Variants in PDZRN4 observed in about 807,000 individuals in gnomAD.
The protein encoded by PDZRN4 is PDZ domain-containing RING finger protein 4.
A neutral mutation model predicts 99.0 loss-of-function variants in PDZRN4; 70 were observed. The observed-to-expected ratio is 0.71, with a 90% CI of 0.58 to 0.86. The LOEUF is 0.86. PDZRN4 is among the 40% of genes least tolerant of loss of function. PDZRN4 has a pLI of 0.00. For missense variants in PDZRN4, 1,474 were observed against 1,331.2 expected (o/e 1.11, Z -1.67); for synonymous variants, 551 against 501.6 (o/e 1.10, Z -1.32).
At chr12:41,329,126 G>A (rs995021591) in intron 3 of PDZRN4, among the ~76,000 whole-genome samples, 2 of 152,074 alleles carry the variant, frequency 1.3e-5, no homozygotes, top group Non-Finnish European at 2.9e-5. Flanking sequence ...GAATCGTATT[G>A]CATCTTCTTG....
intron 3 of PDZRN4, among the ~76,000 whole-genome samples, chr12:41,450,075 A>G (rs544019277): frequency 6.4e-4 from 98 of 152,166 alleles, no homozygotes; most frequent in Non-Finnish European, 1.2e-3. Context: ...AATTAAAATC[A>G]TATAAAACAA....
At chr12:41,405,912 A>G (rs889616169) in intron 3 of PDZRN4, among the ~76,000 whole-genome samples, 4 of 152,068 alleles carry the variant, frequency 2.6e-5, no homozygotes, top group Admixed American at 6.5e-5. Context: ...ACATGTGAAC[A>G]TAAATGTTGG....
chr12:41,212,689 T>C (rs989747830), intron 3 of PDZRN4, among the ~76,000 whole-genome samples: 1 of 152,020 alleles, frequency 6.6e-6, no homozygotes, highest in African/African-American at 2.4e-5. Context: ...GGAATTGTAG[T>C]AAATGTATGA....
At chr12:41,247,822 G>A (rs1052478487) in intron 3 of PDZRN4, among the ~76,000 whole-genome samples, 2 of 152,092 alleles carry the variant, frequency 1.3e-5, no homozygotes, top group African/African-American at 4.8e-5. Context: ...ATGGGTATTT[G>A]GAAATTGATT....
At chr12:41,245,488 T>C (rs1236773680) in intron 3 of PDZRN4, among the ~76,000 whole-genome samples, 1 of 152,150 alleles carries the variant, frequency 6.6e-6, no homozygotes, top group East Asian at 1.9e-4. Flanking sequence ...TAGAGTCCTA[T>C]AAAAAGTTTT....
chr12:41,572,713 T>A lies in PDZRN4; in HGVS notation c.1934T>A (p.Leu645Gln), dbSNP rs1486829600. 1 of 1,614,092 alleles carries A rather than the reference T, an allele frequency of 6.2e-7. No homozygotes were observed. ...ATTCGAAATCATGGAGAGTATGACC[T>A]GTATTACTCAAGCAGCACAATTGAA... The part of the protein sequence containing the change: ...CKIRNHGEYD[L>Q]YYSSSTIECN... Residue 645 changes from leucine (L) to glutamine (Q), a missense_variant, in exon 10 of 10, where the codon CTG (leucine) becomes CAG (glutamine). Coordinates refer to ENST00000402685, the MANE Select transcript of PDZRN4 (RefSeq NM_001164595.2).
chr12:41,429,750 T>C, intron 3 of PDZRN4, among the ~76,000 whole-genome samples: 1 of 142,392 alleles, frequency 7.0e-6, no homozygotes, highest in Non-Finnish European at 1.5e-5. Context: ...TACCATATAG[T>C]GCTGGAACAA....
At position 41,549,456 on chromosome 12, in the gene PDZRN4, T is replaced by C. The variant is rs114707332; in HGVS notation, c.1204-3200T>C. Among the ~76,000 whole-genome samples, 516 of 152,314 alleles carry C rather than the reference T, an allele frequency of 3.4e-3. 3 individuals carry two copies. Among genetic ancestry groups the C allele is most frequent in the African/African-American group, 0.012 (485 of 41,566 alleles). On this transcript the variant is annotated intron_variant, in intron 5 of 9. Coordinates refer to ENST00000402685, the MANE Select transcript of PDZRN4 (RefSeq NM_001164595.2). ...TATTTTGACACAGAATTAAGGGAAC[T>C]TTGATTCTAAAATGTATGTTTCTGT...
chr12:41,405,191 C>A (rs1307902737), intron 3 of PDZRN4, among the ~76,000 whole-genome samples: 3 of 151,982 alleles, frequency 2.0e-5, no homozygotes, highest in African/African-American at 4.8e-5. Context: ...AGAAAATATT[C>A]ACAAACTATG....
intron 5 of PDZRN4, among the ~76,000 whole-genome samples, chr12:41,547,487 G>T (rs145308417): frequency 0.016 from 2,470 of 152,120 alleles, 67 homozygotes; most frequent in African/African-American, 0.056. Flanking sequence ...TTAGCCAGGG[G>T]TGGTGGCAGG....
chr12:41,474,756 G>T (rs1453977216), intron 3 of PDZRN4, among the ~76,000 whole-genome samples: 1 of 152,184 alleles, frequency 6.6e-6, no homozygotes, highest in East Asian at 1.9e-4. Flanking sequence ...GGCAGAATTG[G>T]TGAGGACACA....
chr12:41,320,480 T>A (rs1405828595), intron 3 of PDZRN4, among the ~76,000 whole-genome samples: 1 of 152,242 alleles, frequency 6.6e-6, no homozygotes, highest in East Asian at 1.9e-4. Flanking sequence ...TCTGGGATGT[T>A]GTTAGAACAC....
intron 3 of PDZRN4, among the ~76,000 whole-genome samples, chr12:41,347,517 A>T (rs997881878): frequency 3.3e-5 from 5 of 152,090 alleles, no homozygotes; most frequent in Admixed American, 2.6e-4. Flanking sequence ...GTTGACATGT[A>T]AGGGTTCTTT....
intron 3 of PDZRN4, among the ~76,000 whole-genome samples, chr12:41,413,880 T>A (rs2120385653): frequency 6.6e-6 from 1 of 152,220 alleles, no homozygotes; most frequent in South Asian, 2.1e-4. Flanking sequence ...TGTTTCATAG[T>A]TTCTATTGTG....
intron 3 of PDZRN4, among the ~76,000 whole-genome samples, chr12:41,454,815 T>C (rs1219771143): frequency 6.6e-6 from 1 of 152,220 alleles, no homozygotes; most frequent in African/African-American, 2.4e-5. Context: ...TCCTTTCCCT[T>C]ATGTAAAAAA....
chr12:41,267,054 C>CT lies in PDZRN4; in HGVS notation c.843+72874dup, dbSNP rs532176211. On this transcript the variant is annotated intron_variant, in intron 3 of 9. Coordinates refer to ENST00000402685, the MANE Select transcript of PDZRN4 (RefSeq NM_001164595.2). ...CTCATGAAACTCTGCTCATGAAACT[C>CT]TTTTTTTTCACGGGCTCTACAAACT... is the stretch of plus-strand genomic sequence containing the variant. Among the ~76,000 whole-genome samples the CT allele has an allele frequency of 7.9e-5, 12 of 152,066 alleles. No individual in the cohort carries two copies. In the South Asian group the frequency reaches 8.3e-4, roughly 11 times the overall value.
At chr12:41,520,610 C>G (rs1260275235) in intron 5 of PDZRN4, among the ~76,000 whole-genome samples, 1 of 141,710 alleles carries the variant, frequency 7.1e-6, no homozygotes, top group Non-Finnish European at 1.5e-5. Flanking sequence ...GTAAACATGC[C>G]TAAATACAGA....
At chr12:41,322,126 G>T (rs56028929) in intron 3 of PDZRN4, among the ~76,000 whole-genome samples, 5,818 of 152,070 alleles carry the variant, frequency 0.038, 149 homozygotes, top group African/African-American at 0.061. Context: ...CTGCCCCCTG[G>T]GTTCAAGCTA....
intron 3 of PDZRN4, among the ~76,000 whole-genome samples, chr12:41,229,461 A>G (rs1465727547): frequency 6.6e-6 from 1 of 152,076 alleles, no homozygotes; most frequent in Non-Finnish European, 1.5e-5. Flanking sequence ...CTGCATTTCA[A>G]GTAAGCATGA....
Sources: gnomAD v4.1 joint callset for allele counts (sites outside exome capture counted in the v4.1 genomes callset) on GRCh38, gnomAD v4.1.1 for gene constraint, MANE v1.5 for transcripts, NCBI Gene and HGNC (gene_info 2026-07-23, HGNC 2026-07-21) for gene names.